SLC25A4: variants seen among roughly 807,000 people sequenced by gnomAD.
SLC25A4 encodes ADP/ATP translocase 1.
A neutral mutation model predicts 24.7 loss-of-function variants in SLC25A4; 10 were observed. The observed-to-expected ratio is 0.41, with a 90% CI of 0.25 to 0.69. The LOEUF (loss-of-function observed/expected upper bound fraction) is 0.69. Ranked by LOEUF, SLC25A4 falls within the 30% of genes least tolerant of loss-of-function variation. The probability of loss-of-function intolerance (pLI) is 0.35; values close to 1 mark genes in which losing one functional copy is unlikely to be tolerated. For synonymous variants in SLC25A4, 125 were observed against 153.3 expected, an observed-to-expected ratio of 0.82 and a Z score of 1.36; for missense variants, 273 against 387.6, an observed-to-expected ratio of 0.70 and a Z score of 2.48.
chr4:185,145,319 A>C lies in SLC25A4; in HGVS notation c.598+69A>C. ...GGATCCTATGGGATCTATAACTCAC[A>C]AAGGACCTGATATATATTGATCTTG... On this transcript the variant is annotated intron_variant, in intron 2 of 3. Coordinates refer to ENST00000281456, the MANE Select transcript of SLC25A4 (RefSeq NM_001151.4). This position sits in a 1 kb window ranked among gnomAD's most constrained non-coding sequence, Gnocchi z 5.5. 1 of 1,606,842 alleles carries C rather than the reference A, an allele frequency of 6.2e-7. No homozygotes were observed. The highest frequency in any genetic ancestry group is 8.5e-7 in the Non-Finnish European group (1 of 1,178,594).
At position 185,146,051 on chromosome 4, in the gene SLC25A4, G is replaced by A. The variant is rs1421293654; in HGVS notation, c.739+152G>A. ...AAAGATGGTATTAATTCCCCCTAAC[G>A]TTCTCAACTATCCTATTAGGGAAAA... On this transcript the variant is annotated intron_variant, in intron 3 of 3. Transcript: ENST00000281456. 9.0e-6 allele frequency: 8 copies of A among 893,776 alleles called. No individual in the cohort carries two copies. In the South Asian group the frequency reaches 1.1e-4, roughly 12 times the overall value. The allele number at this position is 893,776 out of a possible 1,614,324, so 55.4% of individuals were successfully genotyped here.
intron 1 of SLC25A4, 142 bp from the exon 2 acceptor site, chr4:185,144,622 C>T (rs753740393): frequency 4.7e-5 from 35 of 744,072 alleles, no homozygotes; most frequent in Non-Finnish European, 6.6e-5. Flanking sequence ...TCCATTTACA[C>T]GTCCTCAGTA....
Position 185,147,980 on chromosome 4 carries a change from C to CA in SLC25A4, c.*1023dup, listed in dbSNP as rs374044101. 523 of 105,842 alleles carry CA rather than the reference C, an allele frequency of 4.9e-3. No individual in the cohort carries two copies. Among genetic ancestry groups the CA allele is most frequent in the Middle Eastern group, 0.01 (2 of 192 alleles). 6.6% of individuals were successfully genotyped at this position (105,842 alleles called of 1,614,324 possible). A position where few individuals can be genotyped will look rare whatever the true frequency, so the allele number is the denominator to read the frequency against. ...TAAGCGACAGGGCAAGACTCTGTCT[C>CA]AAAAAAAAAAAAAAGAAAGAAAATC... On this transcript the variant is annotated 3_prime_UTR_variant, in exon 4 of 4. Coordinates refer to ENST00000281456, the MANE Select transcript of SLC25A4 (RefSeq NM_001151.4).
intron 3 of SLC25A4, among the ~76,000 whole-genome samples, chr4:185,146,159 A>G (rs549841678): frequency 2.0e-5 from 3 of 152,212 alleles, no homozygotes; most frequent in Non-Finnish European, 4.4e-5. Context: ...CCAGCATTAT[A>G]GAGACCCTAG....
Position 185,149,076 on chromosome 4 carries a change from C to G in SLC25A4, c.*2105C>G, listed in dbSNP as rs1734492064. On this transcript the variant is annotated 3_prime_UTR_variant, in exon 4 of 4. Transcript: ENST00000281456. Reference sequence around the variant, plus strand: ...AAAGGGCTAAAAAGAAGGTACCTCTCCATCCTGTCTCCTCGAGGCCAGGCA... The same window carrying G: ...AAAGGGCTAAAAAGAAGGTACCTCTGCATCCTGTCTCCTCGAGGCCAGGCA... The G allele has an allele frequency of 6.6e-6, 1 of 152,262 alleles. No individual in the cohort carries two copies. The highest frequency in any genetic ancestry group is 2.4e-5 in the African/African-American group (1 of 41,448). The allele number at this position is 152,262 out of a possible 1,614,324, so 9.4% of individuals were successfully genotyped here.
Position 185,150,071 on chromosome 4 carries a change from G to T in SLC25A4, c.*3100G>T, listed in dbSNP as rs1734513104. 6.6e-6 allele frequency: 1 copy of T among 152,278 alleles called. No homozygotes were observed. Among genetic ancestry groups the T allele is most frequent in the South Asian group, 2.1e-4 (1 of 4,838 alleles). 9.4% of individuals were successfully genotyped at this position (152,278 alleles called of 1,614,324 possible). A position where few individuals can be genotyped will look rare whatever the true frequency, so the allele number is the denominator to read the frequency against. On this transcript the variant is annotated 3_prime_UTR_variant, in exon 4 of 4. Coordinates refer to ENST00000281456, the MANE Select transcript of SLC25A4 (RefSeq NM_001151.4). ...TTTACTAAACACCCCCAAGGTGCAA[G>T]GCTGCAAGAGAATCGAGCGCCGCAA...
Position 185,147,179 on chromosome 4 carries a change from C to G in SLC25A4, c.*208C>G. The G allele has an allele frequency of 3.7e-6, 2 of 536,264 alleles. No individual in the cohort carries two copies. The highest frequency in any genetic ancestry group is 5.0e-5 in the South Asian group (2 of 39,760). The allele number at this position is 536,264 out of a possible 1,614,324, so 33.2% of individuals were successfully genotyped here. A position where few individuals can be genotyped will look rare whatever the true frequency, so the allele number is the denominator to read the frequency against. On this transcript the variant is annotated 3_prime_UTR_variant, in exon 4 of 4. Transcript: ENST00000281456. The stretch of plus-strand genomic sequence containing the variant: ...TATTTATTTTACATTTAAATTCCCA[C>G]AGCAAATAGAAAATAATTTATCATA...
In SLC25A4 at chr4:185,147,011, G is replaced by C; in HGVS notation, c.*40G>C. 3.2e-6 allele frequency: 5 copies of C among 1,576,116 alleles called. No homozygotes were observed. The highest frequency in any genetic ancestry group is 2.2e-5 in the East Asian group (1 of 44,544). On this transcript the variant is annotated 3_prime_UTR_variant, in exon 4 of 4. Transcript: ENST00000281456. ...AAGTTCACAGATTTACAGTGAACTT[G>C]ATCTACAAGTTCACAGATCCATTGT...
chr4:185,146,978 T>C lies in SLC25A4; in HGVS notation c.*7T>C, dbSNP rs566181210. On this transcript the variant is annotated 3_prime_UTR_variant, in exon 4 of 4. Coordinates refer to ENST00000281456, the MANE Select transcript of SLC25A4 (RefSeq NM_001151.4). ...GATCAAAAAATATGTCTAATGTAAT[T>C]AAAACACAAGTTCACAGATTTACAG... 3.7e-6 allele frequency: 6 copies of C among 1,612,804 alleles called. No homozygotes were observed. In the East Asian group the frequency reaches 1.3e-4, roughly 36 times the overall value.
Position 185,149,998 on chromosome 4 carries a change from T to A in SLC25A4, c.*3027T>A, listed in dbSNP as rs1175545258. On this transcript the variant is annotated 3_prime_UTR_variant, in exon 4 of 4. Coordinates refer to ENST00000281456, the MANE Select transcript of SLC25A4 (RefSeq NM_001151.4). The stretch of plus-strand genomic sequence containing the variant: ...CAATTAACTGGGCGACTGCTCCCGT[T>A]CCATTTTATTCTGTAAAATATGTGG... 1 of 152,252 alleles carries A rather than the reference T, an allele frequency of 6.6e-6. No individual in the cohort carries two copies. The highest frequency in any genetic ancestry group is 1.5e-5 in the Non-Finnish European group (1 of 68,044). The allele number at this position is 152,252 out of a possible 1,614,324, so 9.4% of individuals were successfully genotyped here.
At position 185,144,919 on chromosome 4, in the gene SLC25A4, C is replaced by A; in HGVS notation, c.267C>A (p.Phe89Leu). The change falls in exon 2 of 4, where the codon TTC becomes TTA. Residue 89 changes from phenylalanine (F) to leucine (L), a missense_variant. By Grantham distance (22) the Phe-to-Leu change is conservative. Coordinates refer to ENST00000281456, the MANE Select transcript of SLC25A4 (RefSeq NM_001151.4). ...ACTTCCCCACCCAAGCTCTCAACTT[C>A]GCCTTCAAGGACAAGTACAAGCAGC... ...IRYFPTQALN[F>L]AFKDKYKQLF... The A allele has an allele frequency of 6.2e-7, 1 of 1,614,218 alleles. No homozygotes were observed. Among genetic ancestry groups the A allele is most frequent in the Non-Finnish European group, 8.5e-7 (1 of 1,180,034 alleles).
At chr4:185,143,604 GGCGCCCGCCCGCC>G (rs1186098118) in intron 1 of SLC25A4, 121 bp downstream of exon 1, 2 of 140,486 alleles carry the variant, frequency 1.4e-5, no homozygotes, top group Non-Finnish European at 2.7e-5. Context: ...CACAGGCCCG[GGCGCCCGCCCGCC>G]CGCCCGCCCG....
rs1734422957 is a variant in SLC25A4 at position 185,145,348 on chromosome 4, T to C, written c.598+98T>C. On this transcript the variant is annotated intron_variant, in intron 2 of 3. Coordinates refer to ENST00000281456, the MANE Select transcript of SLC25A4 (RefSeq NM_001151.4). This position sits in a 1 kb window ranked among gnomAD's most constrained non-coding sequence, Gnocchi z 5.5. ...GACCTGATATATATTGATCTTGTTT[T>C]TTCTAGTCTCTGGGATAATTGAGGC... The C allele has an allele frequency of 6.3e-7, 1 of 1,576,114 alleles. No individual in the cohort carries two copies. Among genetic ancestry groups the C allele is most frequent in the African/African-American group, 1.3e-5 (1 of 74,356 alleles).
chr4:185,145,307 T>A lies in SLC25A4; in HGVS notation c.598+57T>A. 1.9e-6 allele frequency: 3 copies of A among 1,610,684 alleles called. No homozygotes were observed. The highest frequency in any genetic ancestry group is 2.5e-6 in the Non-Finnish European group (3 of 1,179,716). On this transcript the variant is annotated intron_variant, in intron 2 of 3. Coordinates refer to ENST00000281456, the MANE Select transcript of SLC25A4 (RefSeq NM_001151.4). This position sits in a 1 kb window ranked among gnomAD's most constrained non-coding sequence, Gnocchi z 5.5. ...GGTGTGGAAAGAGGATCCTATGGGA[T>A]CTATAACTCACAAAGGACCTGATAT...
chr4:185,146,042 C>A, intron 3 of SLC25A4, 143 bp downstream of exon 3: 1 of 982,820 alleles, frequency 1.0e-6, no homozygotes, highest in Non-Finnish European at 1.5e-6. Context: ...GGTATTAATT[C>A]CCCCTAACGT....
Position 185,147,248 on chromosome 4 carries a change from C to A in SLC25A4, c.*277C>A. On this transcript the variant is annotated 3_prime_UTR_variant, in exon 4 of 4. Coordinates refer to ENST00000281456, the MANE Select transcript of SLC25A4 (RefSeq NM_001151.4). The stretch of plus-strand genomic sequence containing the variant: ...GAATTGATAATAACTGAATGTGAAA[C>A]ATCAATAAAGACCACTTAATGCACG... 2.7e-6 allele frequency: 1 copy of A among 364,614 alleles called. No homozygotes were observed. The highest frequency in any genetic ancestry group is 5.0e-6 in the Non-Finnish European group (1 of 199,298). 22.6% of individuals were successfully genotyped at this position (364,614 alleles called of 1,614,324 possible).
At position 185,144,895 on chromosome 4, in the gene SLC25A4, C is replaced by T. The variant is rs779064025; in HGVS notation, c.243C>T (p.Tyr81=). 15 of 1,614,098 alleles carry T rather than the reference C, an allele frequency of 9.3e-6. No homozygotes were observed. The highest frequency in any genetic ancestry group is 1.3e-5 in the Non-Finnish European group (15 of 1,180,046). Residue 81 remains tyrosine (Y), a synonymous_variant, in exon 2 of 4, where the codon TAC becomes TAT. Transcript: ENST00000281456. Reference sequence around the variant, plus strand: ...GTAACCTGGCCAACGTGATCCGTTACTTCCCCACCCAAGCTCTCAACTTCG... The same window carrying T: ...GTAACCTGGCCAACGTGATCCGTTATTTCCCCACCCAAGCTCTCAACTTCG... ...WRGNLANVIR[Y]FPTQALNFAF...
Position 185,145,104 on chromosome 4 carries a change from A to G in SLC25A4, c.452A>G (p.Gln151Arg). The G allele has an allele frequency of 1.2e-6, 2 of 1,613,074 alleles. No individual in the cohort carries two copies. Among genetic ancestry groups the G allele is most frequent in the Non-Finnish European group, 1.7e-6 (2 of 1,179,222 alleles). Residue 151 changes from glutamine (Q) to arginine (R), a missense_variant, in exon 2 of 4, where the codon CAG becomes CGG. Transcript: ENST00000281456. The surrounding 1 kb of genome is among the most constrained non-coding windows in gnomAD (Gnocchi z 5.5). Reference sequence around the variant, plus strand: ...GCTGATGTGGGCAAGGGCGCCGCCCAGCGTGAGTTCCATGGTCTGGGCGAC... The same window carrying G: ...GCTGATGTGGGCAAGGGCGCCGCCCGGCGTGAGTTCCATGGTCTGGGCGAC... ...LAADVGKGAAQREFHGLGDCI... is the reference protein window; with the variant it reads ...LAADVGKGAARREFHGLGDCI...
chr4:185,146,259 A>G (rs1734441723), intron 3 of SLC25A4, among the ~76,000 whole-genome samples: 1 of 152,188 alleles, frequency 6.6e-6, no homozygotes, highest in African/African-American at 2.4e-5. Context: ...CCTCCTAGTT[A>G]CAGGTGTTAG....
Sources: allele counts gnomAD v4.1 joint callset (sites outside exome capture counted in the v4.1 genomes callset), GRCh38; gene constraint gnomAD v4.1.1; non-coding constraint Gnocchi (gnomAD v3.1); transcripts MANE v1.5; gene names NCBI Gene and HGNC (gene_info 2026-07-23, HGNC 2026-07-21).